AHDC1: variants seen among roughly 807,000 people sequenced by gnomAD.
AHDC1 encodes AT-hook DNA binding motif containing 1, also known as transcription factor Gibbin.
A neutral mutation model predicts 87.9 loss-of-function variants in AHDC1; 7 were observed. That is an observed-to-expected ratio of 0.08 (90% confidence interval 0.05 to 0.15). The LOEUF (loss-of-function observed/expected upper bound fraction) is 0.15. Among genes scored for constraint, AHDC1 ranks in the 10% least tolerant of loss-of-function variants. AHDC1 has a pLI of 1.00. For synonymous variants in AHDC1, 1,051 were observed against 1,006.8 expected (o/e 1.04, Z -0.83); for missense variants, 1,841 against 2,253.2 (o/e 0.82, Z 3.70).
chr1:27,575,987 C>T (rs916369657), intron 3 of AHDC1, among the ~76,000 whole-genome samples: 14 of 152,060 alleles, frequency 9.2e-5, no homozygotes, highest in African/African-American at 1.4e-4. Context: ...TGGAGGCGCC[C>T]GGCAGCGGTC....
chr1:27,559,883 T>A (rs1240893036), intron 3 of AHDC1, among the ~76,000 whole-genome samples: 1 of 152,052 alleles, frequency 6.6e-6, no homozygotes, highest in Non-Finnish European at 1.5e-5. Context: ...TGCCTGGGAG[T>A]TTGTATGCGT....
At chr1:27,564,957 G>C (rs1289835514) in intron 3 of AHDC1, among the ~76,000 whole-genome samples, 2 of 152,148 alleles carry the variant, frequency 1.3e-5, no homozygotes, top group Non-Finnish European at 2.9e-5. Context: ...CACACAGCAC[G>C]ACAGCACAAG....
intron 3 of AHDC1, among the ~76,000 whole-genome samples, chr1:27,592,144 T>C (rs556005985): frequency 6.6e-6 from 1 of 152,252 alleles, no homozygotes; most frequent in East Asian, 1.9e-4. Flanking sequence ...GTAATAAGCC[T>C]CATTAGTATC....
At chr1:27,546,300 C>T (rs1333525965) in intron 8 of AHDC1, among the ~76,000 whole-genome samples, 7 of 152,138 alleles carry the variant, frequency 4.6e-5, no homozygotes, top group Admixed American at 4.6e-4. Context: ...ACCTTGTTCC[C>T]TTTGATCATT....
At chr1:27,585,795 C>G (rs1424459416) in intron 3 of AHDC1, among the ~76,000 whole-genome samples, 1 of 152,150 alleles carries the variant, frequency 6.6e-6, no homozygotes, top group Non-Finnish European at 1.5e-5. Flanking sequence ...CTTCCTCCAA[C>G]TGTTAACTCT....
intron 3 of AHDC1, among the ~76,000 whole-genome samples, chr1:27,571,307 T>G (rs2088494740): frequency 6.6e-6 from 1 of 152,088 alleles, no homozygotes; most frequent in Non-Finnish European, 1.5e-5. Flanking sequence ...AACCCCAACC[T>G]CAGGAACCCC....
At chr1:27,568,956 G>A (rs1467510258) in intron 3 of AHDC1, among the ~76,000 whole-genome samples, 4 of 152,172 alleles carry the variant, frequency 2.6e-5, no homozygotes, top group African/African-American at 9.6e-5. Context: ...CCACACACCC[G>A]CACAAAGCCT....
Position 27,548,328 on chromosome 1 carries a change from T to C in AHDC1, c.3788A>G (p.Lys1263Arg), listed in dbSNP as rs773248793. The C allele has an allele frequency of 2.5e-6, 4 of 1,606,708 alleles. No individual in the cohort carries two copies. In the Admixed American group the frequency reaches 6.7e-5, roughly 27 times the overall value. Residue 1263 changes from lysine to arginine, a missense_variant, in exon 8 of 9, where the codon AAA (lysine) becomes AGA (arginine). Coordinates refer to ENST00000673934, the MANE Select transcript of AHDC1 (RefSeq NM_001371928.1). The part of the protein sequence containing the change: ...ASAAASGYPS[K>R]RSTGPRQPRG... ...CGGCTGCCGGGGCCCAGTGCTCCGT[T>C]TGGATGGGTAGCCTGAGGCAGCGGC...
intron 3 of AHDC1, among the ~76,000 whole-genome samples, chr1:27,603,030 G>GT (rs1304132956): frequency 7.4e-6 from 1 of 134,792 alleles, no homozygotes; most frequent in Non-Finnish European, 1.5e-5. Flanking sequence ...GCAAATTGCA[G>GT]TTTTAAATCC....
Position 27,585,240 on chromosome 1 carries a change from TA to T in AHDC1, c.-629+18156del, listed in dbSNP as rs1302214623. Among the ~76,000 whole-genome samples the T allele has an allele frequency of 1.8e-4, 19 of 106,558 alleles. No homozygotes were observed. In the Admixed American group the frequency reaches 1.9e-3, roughly 10 times the overall value. The allele number at this position is 106,558 out of a possible 152,430, so 69.9% of individuals were successfully genotyped here. A position where few individuals can be genotyped will look rare whatever the true frequency, so the allele number is the denominator to read the frequency against. On this transcript the variant is annotated intron_variant, in intron 3 of 8. Transcript: ENST00000673934. Reference sequence around the variant, plus strand: ...TGCACTCCAACCCGGGCAACAGGAGTAAGACCCTGTCTCAAAAAAAAAAAAA... The same window carrying T: ...TGCACTCCAACCCGGGCAACAGGAGTAGACCCTGTCTCAAAAAAAAAAAAA...
chr1:27,561,588 T>G lies in AHDC1; in HGVS notation c.-628-2705A>C, dbSNP rs996259952. ...CCAGGCGCAAGGCAGAATCACATGT[T>G]TCCCATTAGCTGCTCTGGCCTCCTT... On this transcript the variant is annotated intron_variant, in intron 3 of 8. Coordinates refer to ENST00000673934, the MANE Select transcript of AHDC1 (RefSeq NM_001371928.1). This position sits in a 1 kb window ranked among gnomAD's most constrained non-coding sequence, Gnocchi z 4.2. 6.6e-5 allele frequency among the ~76,000 whole-genome samples: 10 copies of G among 151,994 alleles called. No individual in the cohort carries two copies. Among genetic ancestry groups the G allele is most frequent in the Non-Finnish European group, 1.3e-4 (9 of 67,972 alleles).
intron 3 of AHDC1, among the ~76,000 whole-genome samples, chr1:27,573,278 C>T (rs776516357): frequency 3.6e-4 from 55 of 152,294 alleles, no homozygotes; most frequent in Non-Finnish European, 6.2e-4. Flanking sequence ...CAACCTCCTT[C>T]GCTATGCAGG....
At chr1:27,576,120 C>A (rs1394265594) in intron 3 of AHDC1, among the ~76,000 whole-genome samples, 1 of 152,186 alleles carries the variant, frequency 6.6e-6, no homozygotes, top group Non-Finnish European at 1.5e-5. Flanking sequence ...GGCGGCCCGG[C>A]GCTCCCTCCG....
rs1419186924 is a variant in AHDC1 at position 27,563,021 on chromosome 1, G to A, written c.-628-4138C>T. 1.3e-5 allele frequency among the ~76,000 whole-genome samples: 2 copies of A among 151,954 alleles called. No individual in the cohort carries two copies. Among genetic ancestry groups the A allele is most frequent in the African/African-American group, 2.4e-5 (1 of 41,356 alleles). ...ACACCCTCGACAGCATGGGGCAGGC[G>A]TCTGTTACCCCTCACAGTGGCATAA... On this transcript the variant is annotated intron_variant, in intron 3 of 8. Coordinates refer to ENST00000673934, the MANE Select transcript of AHDC1 (RefSeq NM_001371928.1). This position sits in a 1 kb window ranked among gnomAD's most constrained non-coding sequence, Gnocchi z 6.1.
chr1:27,582,981 C>T lies in AHDC1; in HGVS notation c.-629+20416G>A, dbSNP rs978260734. On this transcript the variant is annotated intron_variant, in intron 3 of 8. Coordinates refer to ENST00000673934, the MANE Select transcript of AHDC1 (RefSeq NM_001371928.1). ...AGGCTGCAGTGCAATAGCGCACTCT[C>T]GGCTCACTGCAACCTCCGCCTCCTG... Among the ~76,000 whole-genome samples, 21 of 152,112 alleles carry T rather than the reference C, an allele frequency of 1.4e-4. 1 individual carries two copies. The highest frequency in any genetic ancestry group is 2.8e-4 in the Non-Finnish European group (19 of 68,024).
At chr1:27,573,977 A>T (rs2088625012) in intron 3 of AHDC1, among the ~76,000 whole-genome samples, 1 of 152,194 alleles carries the variant, frequency 6.6e-6, no homozygotes, top group African/African-American at 2.4e-5. Flanking sequence ...ATCAAACAGG[A>T]AACAGGGAGA....
Position 27,590,588 on chromosome 1 carries a change from G to A in AHDC1, c.-629+12809C>T, listed in dbSNP as rs1028718380. ...TGTTTTGCTTCTCTCAGACTTGGGG[G>A]GTCTGAGGACAAGGCTGTGTGTCCT... On this transcript the variant is annotated intron_variant, in intron 3 of 8. Transcript: ENST00000673934. The surrounding 1 kb of genome is among the most constrained non-coding windows in gnomAD (Gnocchi z 5.4). 1.3e-5 allele frequency among the ~76,000 whole-genome samples: 2 copies of A among 152,052 alleles called. No individual in the cohort carries two copies. The highest frequency in any genetic ancestry group is 2.4e-5 in the African/African-American group (1 of 41,380).
rs559892052 is a variant in AHDC1 at position 27,546,859 on chromosome 1, C to CG, written c.*43+401_*43+402insC. On this transcript the variant is annotated intron_variant, in intron 8 of 8. Coordinates refer to ENST00000673934, the MANE Select transcript of AHDC1 (RefSeq NM_001371928.1). The stretch of plus-strand genomic sequence containing the variant: ...CGACCGTCCAACCTGCTTCTCCCTT[C>CG]ACCTGTCTCACACAGGGCGATACAA... Among the ~76,000 whole-genome samples the CG allele has an allele frequency of 3.9e-3, 601 of 152,322 alleles. 6 individuals carry two copies. The highest frequency in any genetic ancestry group is 0.014 in the African/African-American group (586 of 41,566).
intron 3 of AHDC1, among the ~76,000 whole-genome samples, chr1:27,574,335 A>G (rs2088636785): frequency 1.3e-5 from 2 of 152,206 alleles, no homozygotes; most frequent in South Asian, 2.1e-4. Flanking sequence ...GGCTACCTCT[A>G]TTCCTCAGGA....
Sources: allele counts gnomAD v4.1 joint callset (sites outside exome capture counted in the v4.1 genomes callset), GRCh38; gene constraint gnomAD v4.1.1; non-coding constraint Gnocchi (gnomAD v3.1); transcripts MANE v1.5; gene names NCBI Gene and HGNC (gene_info 2026-07-23, HGNC 2026-07-21).